MIPOL1: variants seen among roughly 807,000 people sequenced by gnomAD.
MIPOL1 encodes the protein mirror-image polydactyly gene 1 protein.
In MIPOL1, 57 loss-of-function variants were observed where a neutral mutation model predicts 60.9. The ratio of observed to expected loss-of-function variants is 0.94; its 90% CI spans 0.76 to 1.17. The LOEUF is 1.17. Among genes scored for constraint, MIPOL1 ranks in the 50% most tolerant of loss-of-function variants. The probability of loss-of-function intolerance (pLI) is 0.00; values close to 1 mark genes in which losing one functional copy is unlikely to be tolerated. For synonymous variants in MIPOL1, 179 were observed against 168.8 expected, an observed-to-expected ratio of 1.06 and a Z score of -0.47; for missense variants, 551 against 511.6, an observed-to-expected ratio of 1.08 and a Z score of -0.74.
chr14:37,205,147 A>C (rs886124356), intron 1 of MIPOL1, among the ~76,000 whole-genome samples: 3 of 151,628 alleles, frequency 2.0e-5, no homozygotes, highest in Non-Finnish European at 4.4e-5. Flanking sequence ...TTTATTGTCC[A>C]GGCTGGGGTG....
At chr14:37,481,883 C>T (rs2094876832) in intron 11 of MIPOL1, among the ~76,000 whole-genome samples, 1 of 152,094 alleles carries the variant, frequency 6.6e-6, no homozygotes, top group Non-Finnish European at 1.5e-5. Context: ...TTGATATTTA[C>T]ATGCAGAAAA....
chr14:37,353,701 T>C (rs1306870577), intron 9 of MIPOL1, among the ~76,000 whole-genome samples: 3 of 152,140 alleles, frequency 2.0e-5, no homozygotes, highest in Non-Finnish European at 4.4e-5. Flanking sequence ...CGTAGAGGTG[T>C]TTGTAGTATT....
intron 9 of MIPOL1, among the ~76,000 whole-genome samples, chr14:37,329,052 TG>T: frequency 6.6e-6 from 1 of 152,226 alleles, no homozygotes; most frequent in Non-Finnish European, 1.5e-5. Flanking sequence ...AATTATACTT[TG>T]TTTTTTTTTA....
At chr14:37,514,343 G>T (rs1466207707) in intron 12 of MIPOL1, among the ~76,000 whole-genome samples, 1 of 152,082 alleles carries the variant, frequency 6.6e-6, no homozygotes, top group East Asian at 1.9e-4. Context: ...TGTATAAAGT[G>T]ATTTGAATTC....
At position 37,322,886 on chromosome 14, in the gene MIPOL1, A is replaced by G. The variant is rs145598549; in HGVS notation, c.828+14367A>G. Among the ~76,000 whole-genome samples, 588 of 152,234 alleles carry G rather than the reference A, an allele frequency of 3.9e-3. 4 individuals carry two copies. Among genetic ancestry groups the G allele is most frequent in the South Asian group, 0.03 (146 of 4,830 alleles). ...AGATTCTGAATATTAGACCTTTGTC[A>G]GATAGATAGATTGCAAATTTTTCTC... On this transcript the variant is annotated intron_variant, in intron 9 of 12. Transcript: ENST00000684589.
intron 12 of MIPOL1, among the ~76,000 whole-genome samples, chr14:37,527,643 G>A (rs549234037): frequency 5.3e-5 from 8 of 152,170 alleles, no homozygotes; most frequent in African/African-American, 1.7e-4. Context: ...AGAGATTAAA[G>A]GAAAGCCTCT....
intron 11 of MIPOL1, among the ~76,000 whole-genome samples, chr14:37,453,488 A>G (rs1161808638): frequency 6.6e-6 from 1 of 152,152 alleles, no homozygotes; most frequent in East Asian, 1.9e-4. Context: ...AGTCTTTGGA[A>G]GAAGGTATAT....
chr14:37,387,053 T>C (rs769239664), intron 10 of MIPOL1, among the ~76,000 whole-genome samples: 24 of 151,878 alleles, frequency 1.6e-4, no homozygotes, highest in Non-Finnish European at 3.1e-4. Flanking sequence ...TATTCAATAA[T>C]ATTCCATTCA....
At chr14:37,439,558 A>C (rs1012643474) in intron 11 of MIPOL1, among the ~76,000 whole-genome samples, 3 of 152,156 alleles carry the variant, frequency 2.0e-5, no homozygotes, top group Non-Finnish European at 4.4e-5. Context: ...AAAAGCCTAA[A>C]TACATTTTTG....
At chr14:37,486,171 G>T (rs1308210166) in intron 11 of MIPOL1, among the ~76,000 whole-genome samples, 1 of 152,014 alleles carries the variant, frequency 6.6e-6, no homozygotes, top group Non-Finnish European at 1.5e-5. Flanking sequence ...TGAGGCCTCT[G>T]TTTGTTCTGT....
chr14:37,326,605 T>G lies in MIPOL1; in HGVS notation c.828+18086T>G, dbSNP rs144782638. Among the ~76,000 whole-genome samples the G allele has an allele frequency of 2.7e-3, 413 of 152,340 alleles. 1 individual carries two copies. Among genetic ancestry groups the G allele is most frequent in the Middle Eastern group, 0.02 (6 of 294 alleles). On this transcript the variant is annotated intron_variant, in intron 9 of 12. Transcript: ENST00000684589. Reference sequence around the variant, plus strand: ...GGAGCTCAGTGCTGGTCTGTACTGCTGGCAGACTGCAGACTCAGCAGTGGC... The same window carrying G: ...GGAGCTCAGTGCTGGTCTGTACTGCGGGCAGACTGCAGACTCAGCAGTGGC...
At chr14:37,357,380 C>G (rs1426265314) in intron 9 of MIPOL1, among the ~76,000 whole-genome samples, 1 of 150,140 alleles carries the variant, frequency 6.7e-6, no homozygotes, top group Non-Finnish European at 1.5e-5. Context: ...GAAATGTTCA[C>G]CCTTTTCACC....
At chr14:37,500,423 A>G (rs912941549) in intron 12 of MIPOL1, among the ~76,000 whole-genome samples, 2 of 152,108 alleles carry the variant, frequency 1.3e-5, no homozygotes, top group Admixed American at 6.6e-5. Flanking sequence ...CACAGTCACA[A>G]GTTAATAGGC....
intron 1 of MIPOL1, among the ~76,000 whole-genome samples, chr14:37,237,270 A>G (rs1971632581): frequency 1.3e-5 from 2 of 151,948 alleles, no homozygotes; most frequent in Non-Finnish European, 2.9e-5. Context: ...ACAGACATGC[A>G]CAACAATTTG....
At chr14:37,317,200 CATT>C (rs2088006505) in intron 9 of MIPOL1, among the ~76,000 whole-genome samples, 2 of 152,054 alleles carry the variant, frequency 1.3e-5, no homozygotes, top group African/African-American at 2.4e-5. Flanking sequence ...GGTGCAGTGT[CATT>C]ATTAAAATGT....
At chr14:37,297,469 A>G (rs527272408) in intron 7 of MIPOL1, among the ~76,000 whole-genome samples, 5 of 152,282 alleles carry the variant, frequency 3.3e-5, no homozygotes, top group Non-Finnish European at 7.3e-5. Flanking sequence ...ATCAGGCAGG[A>G]GAAGGAAATA....
chr14:37,495,017 G>A (rs898201798), intron 11 of MIPOL1, among the ~76,000 whole-genome samples: 1 of 151,746 alleles, frequency 6.6e-6, no homozygotes, highest in Non-Finnish European at 1.5e-5. Flanking sequence ...ACTAGAAAGT[G>A]AGGAGTGATT....
intron 10 of MIPOL1, among the ~76,000 whole-genome samples, chr14:37,384,299 G>A (rs2093007712): frequency 6.6e-6 from 1 of 151,726 alleles, no homozygotes; most frequent in Non-Finnish European, 1.5e-5. Context: ...CTTCTGCTTA[G>A]CCAAATATTA....
At chr14:37,309,400 T>C (rs2087099511) in intron 9 of MIPOL1, among the ~76,000 whole-genome samples, 1 of 152,102 alleles carries the variant, frequency 6.6e-6, no homozygotes, top group Non-Finnish European at 1.5e-5. Context: ...TCACTTCTCT[T>C]GTTTTGTTAA....
Sources: allele counts gnomAD v4.1 joint callset (sites outside exome capture counted in the v4.1 genomes callset), GRCh38; gene constraint gnomAD v4.1.1; transcripts MANE v1.5; gene names NCBI Gene and HGNC (gene_info 2026-07-23, HGNC 2026-07-21).